The following PTPRG variants were observed in gnomAD, a reference collection of about 807,000 sequenced individuals.
PTPRG encodes protein tyrosine phosphatase receptor type G, also known as receptor-type tyrosine-protein phosphatase gamma.
In PTPRG, 102 loss-of-function variants were observed where a neutral mutation model predicts 165.3. The ratio of observed to expected loss-of-function variants is 0.62; its 90% CI spans 0.53 to 0.73. PTPRG has a LOEUF of 0.73. Ranked by LOEUF, PTPRG falls within the 30% of genes least tolerant of loss-of-function variation. PTPRG has a pLI of 0.00. For synonymous variants in PTPRG, 675 were observed against 669.5 expected, an observed-to-expected ratio of 1.01 and a Z score of -0.13; for missense variants, 1,866 against 1,861.4, an observed-to-expected ratio of 1.00 and a Z score of -0.05.
intron 1 of PTPRG, among the ~76,000 whole-genome samples, chr3:61,586,634 G>T (rs1051066114): frequency 3.9e-5 from 6 of 152,200 alleles, no homozygotes; most frequent in African/African-American, 1.4e-4. Context: ...ATAGTGATGA[G>T]ACCAATAGGG....
At chr3:62,244,162 G>T (rs1355641594) in intron 15 of PTPRG, among the ~76,000 whole-genome samples, 2 of 152,198 alleles carry the variant, frequency 1.3e-5, no homozygotes, top group Non-Finnish European at 2.9e-5. Context: ...TAGGCAATTT[G>T]TGCTTATATT....
At chr3:62,058,695 G>A (rs1227917971) in intron 4 of PTPRG, among the ~76,000 whole-genome samples, 1 of 152,168 alleles carries the variant, frequency 6.6e-6, no homozygotes, top group Non-Finnish European at 1.5e-5. Context: ...CATGACCCAA[G>A]TAGGCAGTAG....
intron 2 of PTPRG, among the ~76,000 whole-genome samples, chr3:61,858,747 C>G (rs1262313908): frequency 1.3e-5 from 2 of 152,128 alleles, no homozygotes; most frequent in Non-Finnish European, 2.9e-5. Context: ...TCAATGCCTT[C>G]TTTTCTTTTA....
At chr3:61,701,189 T>TA (rs1165732855) in intron 1 of PTPRG, among the ~76,000 whole-genome samples, 1 of 152,190 alleles carries the variant, frequency 6.6e-6, no homozygotes, top group Non-Finnish European at 1.5e-5. Context: ...CTGTGGTGAT[T>TA]AATTAGGTTG....
chr3:62,171,671 G>C (rs986566677), intron 8 of PTPRG, among the ~76,000 whole-genome samples: 4 of 151,736 alleles, frequency 2.6e-5, no homozygotes, highest in Non-Finnish European at 5.9e-5. Context: ...GTATCAGTAG[G>C]TCATTTTTTT....
chr3:61,570,779 G>A (rs1183369550), intron 1 of PTPRG, among the ~76,000 whole-genome samples: 1 of 152,168 alleles, frequency 6.6e-6, no homozygotes, highest in African/African-American at 2.4e-5. Flanking sequence ...ATTGTCAAAA[G>A]GATTTATTTA....
chr3:62,247,027 T>G (rs1326293725), intron 15 of PTPRG, among the ~76,000 whole-genome samples: 1 of 152,168 alleles, frequency 6.6e-6, no homozygotes, highest in East Asian at 1.9e-4. Flanking sequence ...GTCATCACTG[T>G]GGAATATGCA....
chr3:62,152,579 C>G (rs139415142), intron 6 of PTPRG, among the ~76,000 whole-genome samples: 1 of 152,242 alleles, frequency 6.6e-6, no homozygotes, highest in East Asian at 1.9e-4. Context: ...TGCAAGCACC[C>G]CATTTATCAG....
At chr3:62,114,056 T>C (rs867206106) in intron 5 of PTPRG, among the ~76,000 whole-genome samples, 1 of 152,192 alleles carries the variant, frequency 6.6e-6, no homozygotes, top group Non-Finnish European at 1.5e-5. Context: ...GCCAGCACTT[T>C]GGGAGGCCAA....
At chr3:62,045,473 A>G (rs1414627175) in intron 4 of PTPRG, among the ~76,000 whole-genome samples, 1 of 152,184 alleles carries the variant, frequency 6.6e-6, no homozygotes, top group African/African-American at 2.4e-5. Context: ...TTCCCCTTTT[A>G]GTTCTTTAAC....
At chr3:62,068,527 G>A (rs1386186806) in intron 4 of PTPRG, among the ~76,000 whole-genome samples, 1 of 152,182 alleles carries the variant, frequency 6.6e-6, no homozygotes, top group Non-Finnish European at 1.5e-5. Context: ...CCAGGTTGGA[G>A]TGCAGTGATG....
At chr3:61,793,690 A>C (rs1312871858) in intron 2 of PTPRG, among the ~76,000 whole-genome samples, 1 of 152,212 alleles carries the variant, frequency 6.6e-6, no homozygotes, top group Non-Finnish European at 1.5e-5. Context: ...CCAAGACCTT[A>C]ACTTGCAAAT....
intron 1 of PTPRG, among the ~76,000 whole-genome samples, chr3:61,695,998 C>T (rs1358880416): frequency 6.6e-6 from 1 of 152,094 alleles, no homozygotes; most frequent in Admixed American, 6.5e-5. Flanking sequence ...TGTGTTTTGA[C>T]AACATTCTGT....
chr3:61,637,364 TA>T (rs1268803562), intron 1 of PTPRG, among the ~76,000 whole-genome samples: 2 of 152,174 alleles, frequency 1.3e-5, no homozygotes, highest in Non-Finnish European at 2.9e-5. Flanking sequence ...CTCATCTGGA[TA>T]ATGCGGATAG....
chr3:61,990,268 A>G lies in PTPRG; in HGVS notation c.370+464A>G, dbSNP rs2107694526. Among the ~76,000 whole-genome samples the G allele has an allele frequency of 2.0e-5, 3 of 152,324 alleles. 1 individual carries two copies. In the South Asian group the frequency reaches 6.2e-4, roughly 32 times the overall value. On this transcript the variant is annotated intron_variant, in intron 3 of 29. Coordinates refer to ENST00000474889, the MANE Select transcript of PTPRG (RefSeq NM_002841.4). ...GACTACCCTATTGGGCAGCCCAGAC[A>G]GAGGACATTCTCTCATTGCAGAAAG...
intron 4 of PTPRG, among the ~76,000 whole-genome samples, chr3:62,004,147 A>G (rs1425795102): frequency 3.3e-5 from 5 of 152,174 alleles, no homozygotes; most frequent in Non-Finnish European, 5.9e-5. Context: ...ATTAATGTTG[A>G]GTAGGGACAG....
Position 62,228,465 on chromosome 3 carries a change from G to A in PTPRG, c.2289-2760G>A, listed in dbSNP as rs995924577. Among the ~76,000 whole-genome samples the A allele has an allele frequency of 2.0e-5, 3 of 150,644 alleles. No homozygotes were observed. Among genetic ancestry groups the A allele is most frequent in the Non-Finnish European group, 4.4e-5 (3 of 67,850 alleles). On this transcript the variant is annotated intron_variant, in intron 13 of 29. Coordinates refer to ENST00000474889, the MANE Select transcript of PTPRG (RefSeq NM_002841.4). The surrounding 1 kb of genome is among the most constrained non-coding windows in gnomAD (Gnocchi z 4.1). Reference sequence around the variant, plus strand: ...AAAATCAGAGGATGCAGTAGGTGGAGATCACGCCATTGCACTCCAGCCTGG... The same window carrying A: ...AAAATCAGAGGATGCAGTAGGTGGAAATCACGCCATTGCACTCCAGCCTGG...
intron 13 of PTPRG, among the ~76,000 whole-genome samples, chr3:62,223,988 T>C (rs985183224): frequency 1.3e-5 from 2 of 152,194 alleles, no homozygotes; most frequent in Non-Finnish European, 2.9e-5. Flanking sequence ...CTCATCTGTT[T>C]AGAGCTAAAT....
chr3:61,688,338 C>G (rs183587318), intron 1 of PTPRG, among the ~76,000 whole-genome samples: 45 of 152,318 alleles, frequency 3.0e-4, no homozygotes, highest in African/African-American at 1.1e-3. Context: ...TCCCCACGGG[C>G]CAGCCTAGAC....
Sources: allele counts gnomAD v4.1 joint callset (sites outside exome capture counted in the v4.1 genomes callset), GRCh38; gene constraint gnomAD v4.1.1; non-coding constraint Gnocchi (gnomAD v3.1); transcripts MANE v1.5; gene names NCBI Gene and HGNC (gene_info 2026-07-23, HGNC 2026-07-21).